The following CUX1 variants were observed in gnomAD, a reference collection of about 807,000 sequenced individuals.
The protein encoded by CUX1 is cut like homeobox 1, also known as protein CASP.
Under a neutral mutation model 158.8 loss-of-function variants are expected in CUX1, and 31 were observed. The observed-to-expected ratio is 0.20, with a 90% CI of 0.15 to 0.26. The LOEUF (loss-of-function observed/expected upper bound fraction) is 0.26. Among genes scored for constraint, CUX1 ranks in the 10% least tolerant of loss-of-function variants. The pLI is 1.00. For synonymous variants in CUX1, 879 were observed against 862.1 expected (o/e 1.02, Z -0.34); for missense variants, 1,589 against 2,014.6 (o/e 0.79, Z 4.04).
chr7:101,857,967 A>G (rs1015786946), intron 1 of CUX1, among the ~76,000 whole-genome samples: 2 of 152,166 alleles, frequency 1.3e-5, no homozygotes, highest in Admixed American at 6.5e-5. Flanking sequence ...TACTAAAAAT[A>G]CAAAAATTAG....
At chr7:102,036,462 G>A (rs1306896800) in intron 3 of CUX1, among the ~76,000 whole-genome samples, 2 of 152,072 alleles carry the variant, frequency 1.3e-5, no homozygotes, top group African/African-American at 4.8e-5. Flanking sequence ...GAATCTGGCC[G>A]AGCGCGTTGG....
chr7:102,239,823 T>C (rs1473391304), intron 23 of CUX1, among the ~76,000 whole-genome samples: 1 of 152,064 alleles, frequency 6.6e-6, no homozygotes, highest in Non-Finnish European at 1.5e-5. Context: ...CTCGGCTCAC[T>C]GCAACCTCCG....
intron 18 of CUX1, 122 bp downstream of exon 18, chr7:102,202,326 C>T (rs1795533584): frequency 7.6e-7 from 1 of 1,317,898 alleles, no homozygotes. Context: ...GAGCGTAAGG[C>T]ATCCTCTGCT....
At chr7:102,229,663 G>A (rs1464365242) in intron 21 of CUX1, among the ~76,000 whole-genome samples, 16 of 135,012 alleles carry the variant, frequency 1.2e-4, no homozygotes, top group Non-Finnish European at 2.2e-4. Context: ...TCTCACTCAG[G>A]CTGGAGTGCA....
At chr7:101,887,400 G>T (rs1476734444) in intron 1 of CUX1, among the ~76,000 whole-genome samples, 1 of 151,732 alleles carries the variant, frequency 6.6e-6, no homozygotes, top group Non-Finnish European at 1.5e-5. Flanking sequence ...TTGATCTCCT[G>T]GGCTCAAGCA....
chr7:101,987,416 G>A (rs555451514), intron 2 of CUX1, among the ~76,000 whole-genome samples: 16 of 152,308 alleles, frequency 1.1e-4, no homozygotes, highest in Middle Eastern at 3.4e-3. Context: ...AGGTTCAAGC[G>A]GAAGAAATGG....
At chr7:102,112,594 G>A (rs1207341221) in intron 7 of CUX1, among the ~76,000 whole-genome samples, 3 of 151,058 alleles carry the variant, frequency 2.0e-5, no homozygotes, top group Admixed American at 6.6e-5. Flanking sequence ...TTTTGAGACA[G>A]GGTCTTGCTC....
intron 1 of CUX1, among the ~76,000 whole-genome samples, chr7:101,842,679 C>T (rs1263111684): frequency 1.3e-5 from 2 of 152,054 alleles, no homozygotes; most frequent in Non-Finnish European, 2.9e-5. Context: ...AGCCACCATG[C>T]TGGGCCTTCC....
chr7:102,083,067 C>T, intron 4 of CUX1, among the ~76,000 whole-genome samples: 2 of 146,542 alleles, frequency 1.4e-5, no homozygotes, highest in Non-Finnish European at 1.5e-5. Flanking sequence ...TTTTCTTTTC[C>T]TCAGGATAGC....
chr7:102,276,319 T>A (rs1791602840), intron 17 of CUX1, among the ~76,000 whole-genome samples: 1 of 152,220 alleles, frequency 6.6e-6, no homozygotes, highest in Admixed American at 6.5e-5. Flanking sequence ...GTTTGTTTTT[T>A]GAGACCGAGT....
At chr7:102,177,345 C>T (rs10240599) in intron 10 of CUX1, among the ~76,000 whole-genome samples, 11 of 149,356 alleles carry the variant, frequency 7.4e-5, no homozygotes, top group African/African-American at 2.5e-4. Context: ...ACGCAGGAGA[C>T]GGAGGTTACA....
chr7:102,007,233 CTGT>C (rs1244096808), intron 2 of CUX1, among the ~76,000 whole-genome samples: 1 of 152,184 alleles, frequency 6.6e-6, no homozygotes, highest in African/African-American at 2.4e-5. Flanking sequence ...CCTCGGCCTC[CTGT>C]ACCTAAGCCA....
At chr7:102,178,753 T>C (rs951993365) in intron 11 of CUX1, 96 bp downstream of exon 11, 1 of 1,351,824 alleles carries the variant, frequency 7.4e-7, no homozygotes, top group South Asian at 1.4e-5. Flanking sequence ...CTGGACTTGA[T>C]AGCAAGTGTG....
intron 8 of CUX1, among the ~76,000 whole-genome samples, chr7:102,122,954 G>A (rs1237363224): frequency 6.6e-6 from 1 of 152,110 alleles, no homozygotes; most frequent in Non-Finnish European, 1.5e-5. Context: ...GAGGCAGCCG[G>A]GCACGGTGGC....
intron 10 of CUX1, among the ~76,000 whole-genome samples, chr7:102,172,373 C>T (rs782381240): frequency 2.6e-5 from 4 of 151,356 alleles, no homozygotes; most frequent in East Asian, 1.9e-4. Context: ...TGAGCCACTG[C>T]GGGATCTCAC....
In CUX1 at chr7:102,227,954, T is replaced by TC. The variant is rs1382450950; in HGVS notation, c.3433+285_3433+286insC. ...ACACAGACTGTCTCTTTTTTTTCTT[T>TC]TTTTTTTTTTTTTTTTGAGACAGTC... On this transcript the variant is annotated intron_variant, in intron 21 of 23. Transcript: ENST00000292535. Among the ~76,000 whole-genome samples the TC allele has an allele frequency of 3.1e-4, 44 of 140,830 alleles. 1 individual carries two copies. Among genetic ancestry groups the TC allele is most frequent in the South Asian group, 1.4e-3 (6 of 4,404 alleles). 92.4% of individuals were successfully genotyped at this position (140,830 alleles called of 152,430 possible).
chr7:102,166,590 C>T (rs1791062755), intron 9 of CUX1, among the ~76,000 whole-genome samples: 1 of 152,150 alleles, frequency 6.6e-6, no homozygotes, highest in African/African-American at 2.4e-5. Flanking sequence ...CGGGACAGGG[C>T]CCCCTTCTTC....
rs1554519756 is a variant in CUX1, at chr7:102,201,583, C to T, written c.2286C>T (p.Ile762=). 3 of 1,614,176 alleles carry T rather than the reference C, an allele frequency of 1.9e-6. No homozygotes were observed. The change falls in exon 18 of 24, where the codon ATC becomes ATT. Residue 762 remains isoleucine (I), a synonymous_variant. Coordinates refer to ENST00000292535, the MANE Select transcript of CUX1 (RefSeq NM_181552.4). The surrounding 1 kb of genome is among the most constrained non-coding windows in gnomAD (Gnocchi z 5.0). ...TGTCCAGCTACCCACCTCTCGCCAT[C>T]TCCCTGAAGAAGCCCTCCGCAGCTC... ...PTVSSYPPLA[I]SLKKPSAAPE...
At chr7:102,008,505 G>T (rs774645291) in intron 2 of CUX1, among the ~76,000 whole-genome samples, 3 of 152,078 alleles carry the variant, frequency 2.0e-5, no homozygotes, top group Non-Finnish European at 4.4e-5. Context: ...TGGTATTTCG[G>T]TCGTGTGCGT....
Sources: gnomAD v4.1 joint callset for allele counts (sites outside exome capture counted in the v4.1 genomes callset) on GRCh38, gnomAD v4.1.1 for gene constraint, Gnocchi (gnomAD v3.1) non-coding constraint, MANE v1.5 for transcripts, NCBI Gene and HGNC (gene_info 2026-07-23, HGNC 2026-07-21) for gene names.